The following PRKG2 variants were observed in gnomAD, a reference collection of about 807,000 sequenced individuals.
PRKG2 encodes the protein cGMP-dependent protein kinase 2.
In PRKG2, 33 loss-of-function variants were observed where a neutral mutation model predicts 97.2. The observed-to-expected ratio is 0.34, with a 90% CI of 0.26 to 0.45. The LOEUF is 0.45. Among genes scored for constraint, PRKG2 ranks in the 20% least tolerant of loss-of-function variants. The pLI is 1.00. For synonymous variants in PRKG2, 330 were observed against 321.8 expected (o/e 1.03, Z -0.27); for missense variants, 638 against 900.0 (o/e 0.71, Z 3.73).
At position 81,144,225 on chromosome 4, in the gene PRKG2, C is replaced by T. The variant is rs371752985; in HGVS notation, c.1253+7G>A. The T allele has an allele frequency of 8.8e-6, 14 of 1,595,516 alleles. No homozygotes were observed. The highest frequency in any genetic ancestry group is 1.2e-5 in the Non-Finnish European group (14 of 1,163,336). The stretch of plus-strand genomic sequence containing the variant: ...GCTCCGGCTCAGGAAAACATTCCTC[C>T]ACTTACTTCGCATGTCTTTTTTCAT... On this transcript the variant is annotated splice_region_variant and intron_variant, in intron 10 of 18. Coordinates refer to ENST00000264399, the MANE Select transcript of PRKG2 (RefSeq NM_006259.3).
In PRKG2 at chr4:81,096,450, C is replaced by T. The variant is rs529994806; in HGVS notation, c.2127-3998G>A. ...ACTCAGGAGGCTAAGGCAGGAAGAT[C>T]ACTTGAGCCCAGGAATTCAAGGCTG... On this transcript the variant is annotated intron_variant, in intron 17 of 18. Coordinates refer to ENST00000264399, the MANE Select transcript of PRKG2 (RefSeq NM_006259.3). Among the ~76,000 whole-genome samples the T allele has an allele frequency of 5.3e-5, 8 of 152,198 alleles. No individual in the cohort carries two copies. The South Asian group carries it at 1.7e-3, about 32-fold the overall frequency.
rs139932720 is a variant in PRKG2, at chr4:81,091,558, C to G, written c.2193+828G>C. Reference sequence around the variant, plus strand: ...TCGGCCTCCTAAAGTGCTAGGATTACAGGCGTGAGCCACCATGCCTGGCCT... The same window carrying G: ...TCGGCCTCCTAAAGTGCTAGGATTAGAGGCGTGAGCCACCATGCCTGGCCT... On this transcript the variant is annotated intron_variant, in intron 18 of 18. Transcript: ENST00000264399. Among the ~76,000 whole-genome samples, 905 of 152,228 alleles carry G rather than the reference C, an allele frequency of 5.9e-3. 7 individuals are homozygous for G. Among genetic ancestry groups the G allele is most frequent in the African/African-American group, 0.021 (871 of 41,524 alleles).
At chr4:81,149,187 A>AGAGAAGAATAAGT (rs1370973885) in intron 8 of PRKG2, among the ~76,000 whole-genome samples, 2 of 152,182 alleles carry the variant, frequency 1.3e-5, no homozygotes, top group African/African-American at 4.8e-5. Context: ...CACTGGGAAC[A>AGAGAAGAATAAGT]GAGAAGAATA....
chr4:81,195,533 T>C (rs1014888517), intron 2 of PRKG2, among the ~76,000 whole-genome samples: 3 of 152,170 alleles, frequency 2.0e-5, no homozygotes, highest in East Asian at 3.9e-4. Context: ...GTACCTATTA[T>C]ATATTCCCTG....
intron 8 of PRKG2, among the ~76,000 whole-genome samples, chr4:81,151,007 G>C (rs1348996988): frequency 6.6e-6 from 1 of 151,954 alleles, no homozygotes. Context: ...TAAAAACTAA[G>C]AGATTTGTGA....
intron 6 of PRKG2, among the ~76,000 whole-genome samples, chr4:81,156,570 C>A (rs1219892702): frequency 1.3e-5 from 2 of 152,104 alleles, no homozygotes; most frequent in Non-Finnish European, 2.9e-5. Context: ...CAGCTCTGCA[C>A]CAAGCTGACC....
In PRKG2 at chr4:81,092,434, A is replaced by G; in HGVS notation, c.2145T>C (p.Asn715=). The change falls in exon 18 of 19, where the codon AAT becomes AAC. Residue 715 remains asparagine, a synonymous_variant. Transcript: ENST00000264399. ...GGCTCCGTGCTTTCAGTCCCTCCCA[A>G]TTAAAACCATTTAACCACCTGAGAA... ...IKKHRWLNGF[N]WEGLKARSLP... is the part of the protein sequence containing the mutation. 2.5e-6 allele frequency: 4 copies of G among 1,590,180 alleles called. No homozygotes were observed. Among genetic ancestry groups the G allele is most frequent in the Non-Finnish European group, 1.7e-6 (2 of 1,163,902 alleles).
chr4:81,125,436 A>T (rs1424658056), intron 14 of PRKG2, among the ~76,000 whole-genome samples: 2 of 152,202 alleles, frequency 1.3e-5, no homozygotes, highest in Non-Finnish European at 2.9e-5. Flanking sequence ...CAGTTTAAAA[A>T]ATGCATTCAT....
At chr4:81,164,264 CA>C in intron 6 of PRKG2, among the ~76,000 whole-genome samples, 1 of 152,242 alleles carries the variant, frequency 6.6e-6, no homozygotes, top group African/African-American at 2.4e-5. Flanking sequence ...AAGCCTACCA[CA>C]ATTCATTGAC....
intron 14 of PRKG2, among the ~76,000 whole-genome samples, chr4:81,111,640 G>A (rs1001989752): frequency 2.0e-5 from 3 of 151,976 alleles, no homozygotes; most frequent in East Asian, 1.9e-4. Flanking sequence ...ACCGTCCTCC[G>A]TTTTCGCAAA....
chr4:81,143,370 A>G (rs942953091), intron 10 of PRKG2, among the ~76,000 whole-genome samples: 5 of 152,222 alleles, frequency 3.3e-5, no homozygotes, highest in Non-Finnish European at 5.9e-5. Flanking sequence ...CCTTTGCTGC[A>G]TGTACAGGAG....
In PRKG2 at chr4:81,135,231, A is replaced by G; in HGVS notation, c.1700T>C (p.Leu567Pro). The G allele has an allele frequency of 6.2e-7, 1 of 1,613,000 alleles. No individual in the cohort carries two copies. Among genetic ancestry groups the G allele is most frequent in the South Asian group, 1.1e-5 (1 of 90,952 alleles). ...TCTGTAGATAATACCTAGTCGATGCAGGTAATCAAATGCTTCTGTCACACA... is the reference window on the plus strand; with the variant it reads ...TCTGTAGATAATACCTAGTCGATGCGGGTAATCAAATGCTTCTGTCACACA... ...VACVTEAFDYLHRLGIIYRDL... is the reference protein window; with the variant it reads ...VACVTEAFDYPHRLGIIYRDL... The change falls in exon 14 of 19, where the codon CTG becomes CCG. Residue 567 changes from leucine (L) to proline (P), a missense_variant. Physicochemically the swap from Leu to Pro is moderately conservative, Grantham distance 98. Coordinates refer to ENST00000264399, the MANE Select transcript of PRKG2 (RefSeq NM_006259.3).
intron 14 of PRKG2, among the ~76,000 whole-genome samples, chr4:81,133,866 CTTT>C (rs1445801650): frequency 2.0e-5 from 3 of 151,356 alleles, no homozygotes; most frequent in African/African-American, 7.3e-5. Context: ...TTAAAAATAG[CTTT>C]TTAAGAAAAA....
At chr4:81,132,085 C>T in intron 14 of PRKG2, among the ~76,000 whole-genome samples, 1 of 151,242 alleles carries the variant, frequency 6.6e-6, no homozygotes. Context: ...GGTTTTTTTT[C>T]AGTGATATTT....
intron 9 of PRKG2, among the ~76,000 whole-genome samples, chr4:81,144,642 T>C (rs1487442992): frequency 2.0e-5 from 3 of 150,912 alleles, no homozygotes; most frequent in Non-Finnish European, 3.0e-5. Context: ...AGTTCTAGGG[T>C]ACATGTGCAC....
chr4:81,120,263 CTTTT>C lies in PRKG2; in HGVS notation c.1777-9656_1777-9653del, dbSNP rs574835748. On this transcript the variant is annotated intron_variant, in intron 14 of 18. Coordinates refer to ENST00000264399, the MANE Select transcript of PRKG2 (RefSeq NM_006259.3). ...CTTCCGATTTCTGTACGTCACTTCC[CTTTT>C]TTTGTCTGTACATTTGTTCTGACCA... Among the ~76,000 whole-genome samples the C allele has an allele frequency of 3.4e-3, 518 of 152,250 alleles. 1 individual carries two copies. Among genetic ancestry groups the C allele is most frequent in the Admixed American group, 7.7e-3 (117 of 15,284 alleles).
At chr4:81,108,764 G>C (rs752517785) in intron 15 of PRKG2, among the ~76,000 whole-genome samples, 12 of 152,084 alleles carry the variant, frequency 7.9e-5, no homozygotes, top group Non-Finnish European at 1.2e-4. Flanking sequence ...GGGCATGGTG[G>C]CATGTGCCTG....
chr4:81,139,700 C>G (rs963764425), intron 12 of PRKG2, among the ~76,000 whole-genome samples: 2 of 148,380 alleles, frequency 1.3e-5, no homozygotes, highest in African/African-American at 5.0e-5. Flanking sequence ...GCGTGAACCC[C>G]AGAGGCGGAG....
intron 2 of PRKG2, among the ~76,000 whole-genome samples, chr4:81,195,829 T>C (rs1036784142): frequency 6.6e-6 from 1 of 152,316 alleles, no homozygotes; most frequent in East Asian, 1.9e-4. Flanking sequence ...GCTATAAGCA[T>C]GGATGTACAA....
Sources: allele counts gnomAD v4.1 joint callset (sites outside exome capture counted in the v4.1 genomes callset), GRCh38; gene constraint gnomAD v4.1.1; transcripts MANE v1.5; gene names NCBI Gene and HGNC (gene_info 2026-07-23, HGNC 2026-07-21).